The following OCIAD1 variants were observed in gnomAD, a reference collection of about 807,000 sequenced individuals.
The protein encoded by OCIAD1 is OCIA domain-containing protein 1.
In OCIAD1, 29 loss-of-function variants were observed where a neutral mutation model predicts 38.9. The observed-to-expected ratio is 0.74, with a 90% CI of 0.55 to 1.02. The LOEUF (loss-of-function observed/expected upper bound fraction) is 1.02, where lower values mean the gene tolerates loss of function less well. Among genes scored for constraint, OCIAD1 ranks in the 50% least tolerant of loss-of-function variants. OCIAD1 has a pLI of 0.00. For missense variants in OCIAD1, 288 were observed against 289.6 expected (o/e 0.99, Z 0.04); for synonymous variants, 110 against 92.0 (o/e 1.20, Z -1.12).
At chr4:48,825,993 C>T (rs564969534) in intron 1 of OCIAD1, among the ~76,000 whole-genome samples, 8 of 151,936 alleles carry the variant, frequency 5.3e-5, no homozygotes, top group African/African-American at 9.7e-5. Context: ...TGCACCACCA[C>T]GCCTGGCTAA....
chr4:48,814,480 G>C (rs552395984), intron 1 of OCIAD1, among the ~76,000 whole-genome samples: 2 of 151,892 alleles, frequency 1.3e-5, no homozygotes, highest in Admixed American at 6.6e-5. Context: ...GAATATTGGA[G>C]ATAGAGCTGG....
At chr4:48,813,152 T>A (rs1439547514) in intron 1 of OCIAD1, among the ~76,000 whole-genome samples, 2 of 152,234 alleles carry the variant, frequency 1.3e-5, no homozygotes, top group Non-Finnish European at 2.9e-5. Flanking sequence ...GGAATTCCGA[T>A]TGCATCTTTC....
intron 3 of OCIAD1, among the ~76,000 whole-genome samples, chr4:48,834,426 C>T (rs1239745325): frequency 6.6e-6 from 1 of 152,188 alleles, no homozygotes. Flanking sequence ...CCTTGGCCTC[C>T]CAAAGTGCTG....
intron 4 of OCIAD1, among the ~76,000 whole-genome samples, chr4:48,844,303 T>G (rs1184610151): frequency 1.3e-5 from 2 of 152,028 alleles, no homozygotes; most frequent in African/African-American, 2.4e-5. Context: ...AGGAGGAAGT[T>G]TTTTAGAGAT....
At chr4:48,844,520 G>A (rs1276341863) in intron 4 of OCIAD1, among the ~76,000 whole-genome samples, 1 of 152,112 alleles carries the variant, frequency 6.6e-6, no homozygotes, top group Middle Eastern at 3.2e-3. Flanking sequence ...GGAGACTGAG[G>A]CAGGAGAATC....
chr4:48,812,734 G>C (rs1007788005), intron 1 of OCIAD1, among the ~76,000 whole-genome samples: 3 of 152,214 alleles, frequency 2.0e-5, no homozygotes, highest in African/African-American at 7.2e-5. Flanking sequence ...GACACAGGAA[G>C]TAGAGATAAT....
At chr4:48,838,181 G>A (rs1579064091) in intron 3 of OCIAD1, among the ~76,000 whole-genome samples, 2 of 152,218 alleles carry the variant, frequency 1.3e-5, no homozygotes, top group South Asian at 4.1e-4. Context: ...AGCTGAGCAT[G>A]GTGGCAGGTG....
intron 1 of OCIAD1, among the ~76,000 whole-genome samples, chr4:48,823,397 G>T (rs1289858958): frequency 6.6e-6 from 1 of 151,844 alleles, no homozygotes; most frequent in Non-Finnish European, 1.5e-5. Context: ...TTGGTGGGGG[G>T]GTAGGGGGCA....
At chr4:48,831,446 A>C (rs969655462) in intron 1 of OCIAD1, 197 bp downstream of exon 1, 5 of 1,256,384 alleles carry the variant, frequency 4.0e-6, no homozygotes, top group Non-Finnish European at 5.2e-6. Context: ...GAGCTGGGGA[A>C]GTTCGTGGTC....
chr4:48,859,964 G>A (rs1190350057), intron 8 of OCIAD1, among the ~76,000 whole-genome samples: 1 of 152,102 alleles, frequency 6.6e-6, no homozygotes, highest in African/African-American at 2.4e-5. Context: ...TGAAACATAA[G>A]GATATATAAT....
intron 7 of OCIAD1, among the ~76,000 whole-genome samples, chr4:48,855,674 G>C (rs1479962275): frequency 6.6e-6 from 1 of 151,984 alleles, no homozygotes; most frequent in Non-Finnish European, 1.5e-5. Context: ...AAATTAGCTG[G>C]GCATAGTGGC....
chr4:48,835,941 C>T (rs1346336660), intron 3 of OCIAD1, among the ~76,000 whole-genome samples: 1 of 152,214 alleles, frequency 6.6e-6, no homozygotes, highest in Non-Finnish European at 1.5e-5. Flanking sequence ...GCAATAACTT[C>T]ATCTCTGCTG....
At position 48,833,458 on chromosome 4, in the gene OCIAD1, A is replaced by G; in HGVS notation, c.116A>G (p.Asn39Ser). Reference protein sequence around the residue: ...EEERRVFAECNDESFWFRSVP... With the variant: ...EEERRVFAECSDESFWFRSVP... ...GAAAGGAGAGTCTTCGCAGAATGCA[A>G]TGATGAAAGCTTCTGGTTCAGATGT... Residue 39 changes from asparagine (N) to serine (S), a missense_variant, in exon 3 of 9, where the codon AAT becomes AGT. Asn to Ser is a conservative substitution (Grantham distance 46, BLOSUM62 1). Coordinates refer to ENST00000264312, the MANE Select transcript of OCIAD1 (RefSeq NM_017830.4). The G allele has an allele frequency of 5.0e-6, 8 of 1,604,150 alleles. No homozygotes were observed. The highest frequency in any genetic ancestry group is 2.2e-5 in the East Asian group (1 of 44,798).
At chr4:48,826,107 G>C (rs1323044850), upstream of OCIAD1, among the ~76,000 whole-genome samples, 1 of 151,944 alleles carries the variant, frequency 6.6e-6, no homozygotes, top group Non-Finnish European at 1.5e-5. Flanking sequence ...CGAAGTGCTG[G>C]GATTACAGGC....
intron 7 of OCIAD1, 129 bp downstream of exon 7, chr4:48,852,104 T>A: frequency 5.9e-6 from 4 of 674,432 alleles, no homozygotes; most frequent in Non-Finnish European, 9.7e-6. Context: ...AAACTCAGCA[T>A]GTTTGTTCAT....
At chr4:48,834,966 C>T (rs1008980718) in intron 3 of OCIAD1, among the ~76,000 whole-genome samples, 6 of 152,240 alleles carry the variant, frequency 3.9e-5, no homozygotes, top group Non-Finnish European at 5.9e-5. Flanking sequence ...CGGAGTCTCA[C>T]TCTCTTCCCC....
intron 4 of OCIAD1, among the ~76,000 whole-genome samples, chr4:48,845,975 C>G (rs1778944140): frequency 6.6e-6 from 1 of 152,208 alleles, no homozygotes; most frequent in African/African-American, 2.4e-5. Flanking sequence ...TTTCTAGCAC[C>G]TGACAGAGGA....
At chr4:48,813,577 C>A (rs1021762905) in intron 1 of OCIAD1, among the ~76,000 whole-genome samples, 1 of 152,158 alleles carries the variant, frequency 6.6e-6, no homozygotes, top group Admixed American at 6.5e-5. Context: ...TCACTTGAGC[C>A]GGGGAGGTGG....
chr4:48,838,115 C>T (rs546132749), intron 3 of OCIAD1, among the ~76,000 whole-genome samples: 6 of 152,016 alleles, frequency 3.9e-5, no homozygotes, highest in South Asian at 2.1e-4. Context: ...GTCAGGAGTT[C>T]GAGACCAGCC....
Sources: gnomAD v4.1 joint callset for allele counts (sites outside exome capture counted in the v4.1 genomes callset) on GRCh38, gnomAD v4.1.1 for gene constraint, MANE v1.5 for transcripts, NCBI Gene and HGNC (gene_info 2026-07-23, HGNC 2026-07-21) for gene names.